PHF2: variants seen among roughly 807,000 people sequenced by gnomAD.
PHF2 encodes the protein lysine-specific demethylase PHF2.
PHF2 carries 27 observed loss-of-function variants against 120.5 expected under a neutral mutation model. The observed-to-expected ratio is 0.22, with a 90% CI of 0.17 to 0.31. PHF2 has a LOEUF of 0.31. Among genes scored for constraint, PHF2 ranks in the 10% least tolerant of loss-of-function variants. The pLI is 1.00. For synonymous variants in PHF2, 568 were observed against 592.5 expected (o/e 0.96, Z 0.60); for missense variants, 1,024 against 1,434.8 (o/e 0.71, Z 4.63).
chr9:93,617,202 CT>C (rs1316012188), intron 1 of PHF2, among the ~76,000 whole-genome samples: 2 of 152,188 alleles, frequency 1.3e-5, no homozygotes, highest in Non-Finnish European at 2.9e-5. Context: ...AAGGCAACCC[CT>C]AGCCCACTCA....
chr9:93,672,021 T>A (rs554670803), intron 17 of PHF2, among the ~76,000 whole-genome samples: 117 of 143,816 alleles, frequency 8.1e-4, no homozygotes, highest in Non-Finnish European at 9.1e-4. Context: ...GATGTGGGTG[T>A]GGGAGTAGGC....
chr9:93,654,623 T>A, intron 7 of PHF2, 48 bp downstream of exon 7: 1 of 1,573,458 alleles, frequency 6.4e-7, no homozygotes, highest in South Asian at 1.1e-5. Flanking sequence ...TTGCCGGCCC[T>A]CATCAAGCTT....
intron 10 of PHF2, 23 bp downstream of exon 10, chr9:93,658,259 C>A: frequency 6.3e-7 from 1 of 1,585,780 alleles, no homozygotes; most frequent in Non-Finnish European, 8.6e-7. Flanking sequence ...TCACAAATGC[C>A]CTAGGGCAGG....
At chr9:93,642,409 T>G (rs1458912146) in intron 3 of PHF2, among the ~76,000 whole-genome samples, 2 of 152,368 alleles carry the variant, frequency 1.3e-5, no homozygotes, top group East Asian at 3.8e-4. Flanking sequence ...ATTTCCTTCT[T>G]ATAGAATTAT....
At chr9:93,662,505 GGGAT>G (rs1343898664) in intron 12 of PHF2, among the ~76,000 whole-genome samples, 1 of 149,110 alleles carries the variant, frequency 6.7e-6, no homozygotes, top group Admixed American at 6.7e-5. Flanking sequence ...GTGGATGAAT[GGGAT>G]GAACGAATGG....
chr9:93,661,086 AG>A (rs1189749597), intron 12 of PHF2, among the ~76,000 whole-genome samples: 1 of 151,890 alleles, frequency 6.6e-6, no homozygotes, highest in African/African-American at 2.4e-5. Context: ...ATTGGAGGGG[AG>A]GGGGTTCAGG....
intron 17 of PHF2, among the ~76,000 whole-genome samples, chr9:93,669,290 T>TGCAG (rs1334487421): frequency 4.6e-5 from 7 of 152,152 alleles, no homozygotes; most frequent in Admixed American, 3.9e-4. Context: ...TGCCAGAGGA[T>TGCAG]GCAGGGCAAG....
At chr9:93,648,111 T>C (rs914150766) in intron 4 of PHF2, among the ~76,000 whole-genome samples, 4 of 85,756 alleles carry the variant, frequency 4.7e-5, no homozygotes, top group Admixed American at 9.8e-5. Context: ...GACCCCCACA[T>C]TGCATTTTTT....
At chr9:93,670,721 T>G (rs1291449489) in intron 17 of PHF2, among the ~76,000 whole-genome samples, 1 of 152,190 alleles carries the variant, frequency 6.6e-6, no homozygotes, top group Non-Finnish European at 1.5e-5. Flanking sequence ...TTCACCACTC[T>G]GTGAGCCTAG....
Position 93,676,976 on chromosome 9 carries a change from C to A in PHF2, c.3202+13C>A, listed in dbSNP as rs547525569. ...ACCGCTGCCAAAGGTACTGTGCCTG[C>A]TGGAGGGAGCCTGCAGCCCCCCTGC... On this transcript the variant is annotated intron_variant, in intron 21 of 21. Coordinates refer to ENST00000359246, the MANE Select transcript of PHF2 (RefSeq NM_005392.4). The A allele has an allele frequency of 7.2e-6, 11 of 1,517,538 alleles. No individual in the cohort carries two copies. The highest frequency in any genetic ancestry group is 8.0e-6 in the Non-Finnish European group (9 of 1,128,508). The allele number at this position is 1,517,538 out of a possible 1,614,324, so 94.0% of individuals were successfully genotyped here. A position where few individuals can be genotyped will look rare whatever the true frequency, so the allele number is the denominator to read the frequency against.
intron 1 of PHF2, among the ~76,000 whole-genome samples, chr9:93,595,684 C>T (rs1264550737): frequency 6.6e-6 from 1 of 152,206 alleles, no homozygotes; most frequent in Non-Finnish European, 1.5e-5. Context: ...TGTGCATGCG[C>T]CCACTGGGCA....
rs1564399870 is a variant in PHF2 at position 93,663,577 on chromosome 9, C to G, written c.1879C>G (p.Leu627Val). 2.5e-6 allele frequency: 4 copies of G among 1,613,632 alleles called. No individual in the cohort carries two copies. The highest frequency in any genetic ancestry group is 3.4e-6 in the Non-Finnish European group (4 of 1,179,710). ...GGAGCAGAAGCTAGAGAAGTCGCCT[C>G]TAGCTGGAAACAAAGACAATAAGTT... ...EEEQKLEKSP[L>V]AGNKDNKFSF... is the part of the protein sequence containing the mutation. Residue 627 changes from leucine (L) to valine (V), a missense_variant, in exon 14 of 22, where the codon CTA (leucine) becomes GTA (valine). Transcript: ENST00000359246.
intron 1 of PHF2, among the ~76,000 whole-genome samples, chr9:93,592,363 A>G (rs112657980): frequency 6.6e-6 from 1 of 152,252 alleles, no homozygotes; most frequent in African/African-American, 2.4e-5. Flanking sequence ...TGGGGAGCGC[A>G]GCATCATTGC....
chr9:93,661,253 CAGG>C (rs1482972012), intron 12 of PHF2, among the ~76,000 whole-genome samples: 3 of 152,050 alleles, frequency 2.0e-5, no homozygotes, highest in Non-Finnish European at 4.4e-5. Flanking sequence ...GAGTTTCTGC[CAGG>C]AGGAGGTCGT....
At chr9:93,583,453 G>A (rs1238543041) in intron 1 of PHF2, among the ~76,000 whole-genome samples, 1 of 152,186 alleles carries the variant, frequency 6.6e-6, no homozygotes, top group East Asian at 1.9e-4. Flanking sequence ...GGATCATATG[G>A]TAACTCTATG....
At chr9:93,593,258 C>G (rs1355459752) in intron 1 of PHF2, among the ~76,000 whole-genome samples, 1 of 152,064 alleles carries the variant, frequency 6.6e-6, no homozygotes, top group Non-Finnish European at 1.5e-5. Flanking sequence ...CCCCCTGGAC[C>G]CAAGGCACCT....
chr9:93,672,061 A>T (rs1416171964), intron 17 of PHF2, among the ~76,000 whole-genome samples: 195 of 82,100 alleles, frequency 2.4e-3, no homozygotes, highest in Middle Eastern at 8.9e-3. Flanking sequence ...TGGGTGTGGG[A>T]GTAGGTACAG....
intron 3 of PHF2, among the ~76,000 whole-genome samples, chr9:93,641,252 A>C (rs998080410): frequency 2.0e-5 from 3 of 152,196 alleles, no homozygotes; most frequent in Non-Finnish European, 4.4e-5. Context: ...TATGGAGAAC[A>C]ACACTCTGGA....
chr9:93,661,422 G>C (rs910465703), intron 12 of PHF2, among the ~76,000 whole-genome samples: 2 of 152,218 alleles, frequency 1.3e-5, no homozygotes, highest in African/African-American at 4.8e-5. Context: ...TGAATGAATA[G>C]GTGGATGAAT....
Sources: gnomAD v4.1 joint callset for allele counts (sites outside exome capture counted in the v4.1 genomes callset) on GRCh38, gnomAD v4.1.1 for gene constraint, MANE v1.5 for transcripts, NCBI Gene and HGNC (gene_info 2026-07-23, HGNC 2026-07-21) for gene names.